ZKSCAN5: variants seen among roughly 807,000 people sequenced by gnomAD.
ZKSCAN5 encodes zinc finger with KRAB and SCAN domains 5.
In ZKSCAN5, 28 loss-of-function variants were observed where a neutral mutation model predicts 60.0. The observed-to-expected ratio is 0.47, with a 90% CI of 0.35 to 0.64. The LOEUF (loss-of-function observed/expected upper bound fraction) is 0.64. ZKSCAN5 is among the 30% of genes least tolerant of loss of function. The probability of loss-of-function intolerance (pLI) is 0.01; values close to 1 mark genes in which losing one functional copy is unlikely to be tolerated. For missense variants in ZKSCAN5, 881 were observed against 1,034.6 expected, an observed-to-expected ratio of 0.85 and a Z score of 2.04; for synonymous variants, 361 against 371.2, an observed-to-expected ratio of 0.97 and a Z score of 0.31.
chr7:99,533,547 C>G lies in ZKSCAN5; in HGVS notation c.*1298C>G. 2 of 412,220 alleles carry G rather than the reference C, an allele frequency of 4.9e-6. No homozygotes were observed. The highest frequency in any genetic ancestry group is 8.6e-6 in the Non-Finnish European group (2 of 233,706). 25.5% of individuals were successfully genotyped at this position (412,220 alleles called of 1,614,324 possible). A position where few individuals can be genotyped will look rare whatever the true frequency, so the allele number is the denominator to read the frequency against. On this transcript the variant is annotated 3_prime_UTR_variant, in exon 7 of 7. Transcript: ENST00000326775. ...CTGCTCTGAGTTTGGGCTGCAAGTGCTCACAGCTCTTGTTCTCCAGAAACT... is the reference window on the plus strand; with the variant it reads ...CTGCTCTGAGTTTGGGCTGCAAGTGGTCACAGCTCTTGTTCTCCAGAAACT...
In ZKSCAN5 at chr7:99,526,515, T is replaced by TG. The variant is rs754525438; in HGVS notation, c.1378+105dup. ...CAACAGGACAGATGGGTGGTGATAC[T>TG]GGGGGGGGTAGGAAGAGGCAAAGGT... is the stretch of plus-strand genomic sequence containing the variant. On this transcript the variant is annotated intron_variant, in intron 6 of 6. Coordinates refer to ENST00000326775, the MANE Select transcript of ZKSCAN5 (RefSeq NM_145102.4). The TG allele has an allele frequency of 7.5e-4, 1,119 of 1,485,498 alleles. 1 individual carries two copies. The highest frequency in any genetic ancestry group is 1.6e-3 in the Admixed American group (74 of 45,388). The allele number at this position is 1,485,498 out of a possible 1,614,324, so 92.0% of individuals were successfully genotyped here. A position where few individuals can be genotyped will look rare whatever the true frequency, so the allele number is the denominator to read the frequency against.
chr7:99,505,199 G>A (rs140685361), intron 1 of ZKSCAN5: 5,033 of 147,102 alleles, frequency 0.034, 102 homozygotes, highest in South Asian at 0.048. Flanking sequence ...ACGCGGAAGT[G>A]CTTTCGGGGG....
Position 99,532,656 on chromosome 7 carries a change from G to A in ZKSCAN5, c.*407G>A, listed in dbSNP as rs138235005. ...TGACGGCGTATCTATTCAGGGAAGC[G>A]CACAGTAAAAGAATTCCTTAGCATG... is the stretch of plus-strand genomic sequence containing the variant. On this transcript the variant is annotated 3_prime_UTR_variant, in exon 7 of 7. Coordinates refer to ENST00000326775, the MANE Select transcript of ZKSCAN5 (RefSeq NM_145102.4). The A allele has an allele frequency of 1.2e-4, 19 of 164,600 alleles. No homozygotes were observed. Among genetic ancestry groups the A allele is most frequent in the Admixed American group, 2.4e-4 (4 of 16,704 alleles). The allele number at this position is 164,600 out of a possible 1,614,324, so 10.2% of individuals were successfully genotyped here.
At chr7:99,516,665 G>A (rs747087009) in intron 3 of ZKSCAN5, among the ~76,000 whole-genome samples, 4 of 152,086 alleles carry the variant, frequency 2.6e-5, no homozygotes, top group Admixed American at 2.6e-4. Context: ...AGGTGACCTC[G>A]GGGTCAGGTG....
At chr7:99,521,659 T>C (rs1584190990) in intron 5 of ZKSCAN5, among the ~76,000 whole-genome samples, 2 of 152,072 alleles carry the variant, frequency 1.3e-5, no homozygotes, top group East Asian at 3.8e-4. Flanking sequence ...TTTCCTCTTT[T>C]TGATTTATTT....
rs1400433331 is a variant in ZKSCAN5 at position 99,531,567 on chromosome 7, C to T, written c.1838C>T (p.Ala613Val). The change falls in exon 7 of 7, where the codon GCC (alanine) becomes GTC (valine). Residue 613 changes from alanine to valine, a missense_variant. Coordinates refer to ENST00000326775, the MANE Select transcript of ZKSCAN5 (RefSeq NM_145102.4). ...TACACCTGTCCCTTATGTGGGAAAG[C>T]CTTCAGAGTGAGGTCCCACCTTGTT... is the stretch of plus-strand genomic sequence containing the variant. ...KPYTCPLCGK[A>V]FRVRSHLVQH... is the part of the protein sequence containing the mutation. 1 of 1,614,118 alleles carries T rather than the reference C, an allele frequency of 6.2e-7. No individual in the cohort carries two copies. Among genetic ancestry groups the T allele is most frequent in the East Asian group, 2.2e-5 (1 of 44,876 alleles).
In ZKSCAN5 at chr7:99,531,502, C is replaced by T; in HGVS notation, c.1773C>T (p.His591=). The T allele has an allele frequency of 6.2e-7, 1 of 1,614,192 alleles. No homozygotes were observed. Among genetic ancestry groups the T allele is most frequent in the Non-Finnish European group, 8.5e-7 (1 of 1,180,044 alleles). Residue 591 remains histidine, a synonymous_variant, in exon 7 of 7, where the codon CAC becomes CAT. Coordinates refer to ENST00000326775, the MANE Select transcript of ZKSCAN5 (RefSeq NM_145102.4). ...ECGKSYNQRV[H]LTQHQRVHTG... ...GGAAAAGCTACAACCAACGCGTGCA[C>T]CTAACTCAGCATCAGCGCGTCCACA...
chr7:99,518,376 G>A (rs960332498), intron 3 of ZKSCAN5, among the ~76,000 whole-genome samples: 5 of 151,594 alleles, frequency 3.3e-5, no homozygotes, highest in African/African-American at 4.8e-5. Flanking sequence ...AGCTGAGATC[G>A]CGCCACTGCA....
At position 99,532,123 on chromosome 7, in the gene ZKSCAN5, G is replaced by A. The variant is rs760585938; in HGVS notation, c.2394G>A (p.Glu798=). The A allele has an allele frequency of 1.4e-4, 221 of 1,613,996 alleles. No individual in the cohort carries two copies. Among genetic ancestry groups the A allele is most frequent in the Non-Finnish European group, 1.8e-4 (213 of 1,180,046 alleles). The part of the protein sequence containing the change: ...LNQHQRIHTG[E]KPFQCKECGM... ...AACATCAGAGAATCCATACTGGTGA[G>A]AAACCTTTTCAATGTAAAGAATGTG... Residue 798 remains glutamate (E), a synonymous_variant, in exon 7 of 7, where the codon GAG becomes GAA. Coordinates refer to ENST00000326775, the MANE Select transcript of ZKSCAN5 (RefSeq NM_145102.4).
rs1802140444 is a variant in ZKSCAN5, at chr7:99,533,402, C to T, written c.*1153C>T. ...GAGTGCTCTTGGGCACTGCTCAGGCCGTTTCTGCTGACTTGCCTGGCTTAC... is the reference window on the plus strand; with the variant it reads ...GAGTGCTCTTGGGCACTGCTCAGGCTGTTTCTGCTGACTTGCCTGGCTTAC... On this transcript the variant is annotated 3_prime_UTR_variant, in exon 7 of 7. Coordinates refer to ENST00000326775, the MANE Select transcript of ZKSCAN5 (RefSeq NM_145102.4). 2 of 537,562 alleles carry T rather than the reference C, an allele frequency of 3.7e-6. No individual in the cohort carries two copies. Among genetic ancestry groups the T allele is most frequent in the South Asian group, 2.6e-5 (1 of 39,098 alleles). The allele number at this position is 537,562 out of a possible 1,614,324, so 33.3% of individuals were successfully genotyped here.
At chr7:99,510,226 G>A (rs1800954936) in intron 2 of ZKSCAN5, among the ~76,000 whole-genome samples, 7 of 151,612 alleles carry the variant, frequency 4.6e-5, no homozygotes, top group Admixed American at 4.6e-4. Flanking sequence ...GAGCCACTGT[G>A]CCCAGCCAGG....
At chr7:99,513,433 G>C (rs1359907348) in intron 3 of ZKSCAN5, among the ~76,000 whole-genome samples, 1 of 152,130 alleles carries the variant, frequency 6.6e-6, no homozygotes, top group Non-Finnish European at 1.5e-5. Flanking sequence ...TCACCCTGTT[G>C]CCTGGGATGG....
chr7:99,519,537 A>G (rs888131697), intron 3 of ZKSCAN5, among the ~76,000 whole-genome samples: 1 of 152,082 alleles, frequency 6.6e-6, no homozygotes, highest in Admixed American at 6.6e-5. Context: ...TTGACCTCCC[A>G]AAGTGCTGGT....
chr7:99,517,143 G>T (rs930397091), intron 3 of ZKSCAN5, among the ~76,000 whole-genome samples: 1 of 152,198 alleles, frequency 6.6e-6, no homozygotes, highest in Admixed American at 6.5e-5. Context: ...TCAGTTCAGC[G>T]CAACCTCTGC....
chr7:99,513,734 AC>A, intron 3 of ZKSCAN5: 2 of 356,292 alleles, frequency 5.6e-6, no homozygotes, highest in African/African-American at 4.5e-5. Flanking sequence ...TGTTAAAAAA[AC>A]AAAAAAACAA....
chr7:99,531,011 C>T (rs1022891655), intron 6 of ZKSCAN5, 97 bp from the exon 7 acceptor site: 52 of 1,114,192 alleles, frequency 4.7e-5, no homozygotes, highest in Middle Eastern at 3.1e-4. Context: ...GAGCCGAGAT[C>T]GCATCATTGC....
chr7:99,505,971 AAGATATTAAAG>A, intron 1 of ZKSCAN5, 23 bp from the exon 2 acceptor site: 4 of 1,530,352 alleles, frequency 2.6e-6, no homozygotes, highest in Non-Finnish European at 3.5e-6. Context: ...TGTCCTTCAG[AAGATATTAAAG>A]AGCAGAAAAA....
chr7:99,525,112 G>T (rs1475104683), intron 5 of ZKSCAN5, among the ~76,000 whole-genome samples: 1 of 151,674 alleles, frequency 6.6e-6, no homozygotes, highest in Non-Finnish European at 1.5e-5. Context: ...GTTGCAGTCA[G>T]CCGAGATCGC....
intron 5 of ZKSCAN5, among the ~76,000 whole-genome samples, chr7:99,525,122 C>T (rs974434623): frequency 2.7e-5 from 4 of 150,654 alleles, no homozygotes; most frequent in East Asian, 2.0e-4. Context: ...GCCGAGATCG[C>T]GCCACTGCAC....
Sources: allele counts gnomAD v4.1 joint callset (sites outside exome capture counted in the v4.1 genomes callset), GRCh38; gene constraint gnomAD v4.1.1; transcripts MANE v1.5; gene names NCBI Gene and HGNC (gene_info 2026-07-23, HGNC 2026-07-21).